The following MACIR variants were observed in gnomAD, a reference collection of about 807,000 sequenced individuals.
The protein encoded by MACIR is UNC119-binding protein C5orf30.
A neutral mutation model predicts 14.3 loss-of-function variants in MACIR; 4 were observed. The observed-to-expected ratio is 0.28, with a 90% CI of 0.14 to 0.64. The LOEUF (loss-of-function observed/expected upper bound fraction) is 0.64, where lower values mean the gene tolerates loss of function less well. Among genes scored for constraint, MACIR ranks in the 30% least tolerant of loss-of-function variants. The pLI is 0.83. For synonymous variants in MACIR, 101 were observed against 102.4 expected, an observed-to-expected ratio of 0.99 and a Z score of 0.08; for missense variants, 228 against 257.6, an observed-to-expected ratio of 0.89 and a Z score of 0.79.
intron 2 of MACIR, among the ~76,000 whole-genome samples, chr5:103,268,955 C>T (rs1554236917): frequency 1.3e-5 from 2 of 151,940 alleles, no homozygotes; most frequent in Admixed American, 6.6e-5. Flanking sequence ...GGCGGTGGCT[C>T]GCACCTGTAA....
At chr5:103,263,569 A>G (rs930615649) in intron 1 of MACIR, among the ~76,000 whole-genome samples, 17 of 152,200 alleles carry the variant, frequency 1.1e-4, no homozygotes, top group Admixed American at 8.5e-4. Flanking sequence ...AAACTCTTTG[A>G]AAGTGTAAAT....
intron 1 of MACIR, among the ~76,000 whole-genome samples, chr5:103,263,003 T>C (rs1277645252): frequency 6.6e-6 from 1 of 152,178 alleles, no homozygotes; most frequent in African/African-American, 2.4e-5. Context: ...TGTGTGTTAT[T>C]TGAAAGGTAC....
chr5:103,276,557 T>C lies in MACIR; in HGVS notation c.*17T>C. On this transcript the variant is annotated 3_prime_UTR_variant, in exon 3 of 3. Coordinates refer to ENST00000319933, the MANE Select transcript of MACIR (RefSeq NM_033211.4). ...AATACATGAATGACTTGGAGAGAGC[T>C]TAAACCAATTTAGGTCAGCCTACGC... 1 of 1,589,574 alleles carries C rather than the reference T, an allele frequency of 6.3e-7. No homozygotes were observed. The highest frequency in any genetic ancestry group is 1.2e-5 in the South Asian group (1 of 86,770).
intron 1 of MACIR, among the ~76,000 whole-genome samples, chr5:103,262,429 CT>C (rs1438971366): frequency 6.6e-6 from 1 of 152,140 alleles, no homozygotes; most frequent in African/African-American, 2.4e-5. Context: ...AACTGAGACA[CT>C]TTTGAGAGTT....
chr5:103,272,550 TAAG>T (rs1454521499), intron 2 of MACIR, among the ~76,000 whole-genome samples: 1 of 152,154 alleles, frequency 6.6e-6, no homozygotes, highest in African/African-American at 2.4e-5. Flanking sequence ...TGTAGTAGCA[TAAG>T]AAGTTTTGTT....
At chr5:103,263,453 T>C (rs1020081290) in intron 1 of MACIR, among the ~76,000 whole-genome samples, 10 of 152,212 alleles carry the variant, frequency 6.6e-5, no homozygotes, top group African/African-American at 1.9e-4. Flanking sequence ...TTCCTAGATT[T>C]ACACATCAGC....
At chr5:103,273,924 A>G (rs1409638728) in intron 2 of MACIR, among the ~76,000 whole-genome samples, 6 of 152,220 alleles carry the variant, frequency 3.9e-5, no homozygotes, top group Admixed American at 3.9e-4. Flanking sequence ...CAGAGTAGAC[A>G]GACTGCTTGA....
chr5:103,269,300 C>T (rs1165748441), intron 2 of MACIR, among the ~76,000 whole-genome samples: 1 of 151,940 alleles, frequency 6.6e-6, no homozygotes, highest in Non-Finnish European at 1.5e-5. Context: ...CTTAGGAGAC[C>T]CTGTTTCCCC....
intron 2 of MACIR, among the ~76,000 whole-genome samples, chr5:103,268,557 C>G (rs545803118): frequency 6.6e-6 from 1 of 152,154 alleles, no homozygotes. Context: ...AAGAGTGAAA[C>G]TCTTCTATCT....
intron 2 of MACIR, among the ~76,000 whole-genome samples, chr5:103,274,834 A>G (rs1554237463): frequency 1.3e-5 from 2 of 152,190 alleles, no homozygotes; most frequent in African/African-American, 4.8e-5. Context: ...AATCTGAGAT[A>G]CTTAAAACCG....
chr5:103,271,590 G>C (rs549674343), intron 2 of MACIR, among the ~76,000 whole-genome samples: 3 of 152,030 alleles, frequency 2.0e-5, no homozygotes, highest in African/African-American at 7.2e-5. Flanking sequence ...CAATATAGAA[G>C]CATCTATAAA....
chr5:103,260,285 A>C (rs1804632185), intron 1 of MACIR, among the ~76,000 whole-genome samples: 1 of 151,882 alleles, frequency 6.6e-6, no homozygotes. Flanking sequence ...TATTTTCTCA[A>C]ATCCTGTAAT....
chr5:103,263,830 T>C (rs1367771228), intron 1 of MACIR, among the ~76,000 whole-genome samples: 1 of 152,176 alleles, frequency 6.6e-6, no homozygotes, highest in East Asian at 1.9e-4. Flanking sequence ...GTATTTGATA[T>C]CCAACCATAT....
rs1450277841 is a variant in MACIR, at chr5:103,276,331, A to G, written c.412A>G (p.Thr138Ala). The change falls in exon 3 of 3, where the codon ACT (threonine) becomes GCT (alanine). Residue 138 changes from threonine (T) to alanine (A), a missense_variant. By Grantham distance (58) the Thr-to-Ala change is moderately conservative. Coordinates refer to ENST00000319933, the MANE Select transcript of MACIR (RefSeq NM_033211.4). Reference protein sequence around the residue: ...RRMPSSGDKCTKSLPYEPYKA... With the variant: ...RRMPSSGDKCAKSLPYEPYKA... ...GATGCCAAGCTCAGGAGACAAGTGC[A>G]CTAAATCTTTACCTTATGAACCTTA... 6.2e-7 allele frequency: 1 copy of G among 1,613,088 alleles called. No individual in the cohort carries two copies. The highest frequency in any genetic ancestry group is 8.5e-7 in the Non-Finnish European group (1 of 1,179,896).
chr5:103,268,098 T>A (rs1353071013), intron 2 of MACIR, among the ~76,000 whole-genome samples: 1 of 152,236 alleles, frequency 6.6e-6, no homozygotes, highest in Non-Finnish European at 1.5e-5. Context: ...GATATTTGGA[T>A]TGTTTCCAGT....
Position 103,276,276 on chromosome 5 carries a change from T to C in MACIR, c.357T>C (p.Ile119=), listed in dbSNP as rs1554237701. 10 of 1,612,440 alleles carry C rather than the reference T, an allele frequency of 6.2e-6. No individual in the cohort carries two copies. The highest frequency in any genetic ancestry group is 8.5e-6 in the Non-Finnish European group (10 of 1,179,722). The stretch of plus-strand genomic sequence containing the variant: ...GTAGGTACTACCAGCCATACGAGAT[T>C]CCAGCTGTCAATGGCAGGAGGCGAA... The part of the protein sequence containing the change: ...TRSRYYQPYE[I]PAVNGRRRRR... The change falls in exon 3 of 3, where the codon ATT becomes ATC. Residue 119 remains isoleucine, a synonymous_variant. Coordinates refer to ENST00000319933, the MANE Select transcript of MACIR (RefSeq NM_033211.4).
chr5:103,277,578 A>G lies in MACIR; in HGVS notation c.*1038A>G, dbSNP rs1805382581. 1 of 167,052 alleles carries G rather than the reference A, an allele frequency of 6.0e-6. No homozygotes were observed. Among genetic ancestry groups the G allele is most frequent in the Admixed American group, 6.5e-5 (1 of 15,278 alleles). The allele number at this position is 167,052 out of a possible 1,614,324, so 10.3% of individuals were successfully genotyped here. On this transcript the variant is annotated 3_prime_UTR_variant, in exon 3 of 3. Transcript: ENST00000319933. The stretch of plus-strand genomic sequence containing the variant: ...AGCACTCACTGAAATTCCAGTTTCT[A>G]GGATTAGTGTAGGAGCCTAACGTGC...
At chr5:103,260,086 T>C (rs1554236093) in intron 1 of MACIR, among the ~76,000 whole-genome samples, 1 of 145,238 alleles carries the variant, frequency 6.9e-6, no homozygotes, top group Non-Finnish European at 1.6e-5. Context: ...TTTGTGTGTG[T>C]GTGGTGCACA....
In MACIR at chr5:103,268,201, A is replaced by G. The variant is rs544394419; in HGVS notation, c.-24+2204A>G. On this transcript the variant is annotated intron_variant, in intron 2 of 2. Coordinates refer to ENST00000319933, the MANE Select transcript of MACIR (RefSeq NM_033211.4). ...ATTTTTCTTGGGTTAGATATCTATG[A>G]GTATGGTGGCTGTGTTGTTTAATGA... Among the ~76,000 whole-genome samples, 4 of 152,286 alleles carry G rather than the reference A, an allele frequency of 2.6e-5. No individual in the cohort carries two copies. The South Asian group carries it at 6.2e-4, about 24-fold the overall frequency.
Sources: gnomAD v4.1 joint callset for allele counts (sites outside exome capture counted in the v4.1 genomes callset) on GRCh38, gnomAD v4.1.1 for gene constraint, MANE v1.5 for transcripts, NCBI Gene and HGNC (gene_info 2026-07-23, HGNC 2026-07-21) for gene names.